Variants in PACRG observed in about 807,000 individuals in gnomAD.
PACRG encodes the protein parkin coregulated.
PACRG carries 29 observed loss-of-function variants against 29.7 expected under a neutral mutation model. The ratio of observed to expected loss-of-function variants is 0.98; its 90% confidence interval spans 0.73 to 1.33. The LOEUF is 1.33. PACRG is among the 40% of genes most tolerant of loss of function. The pLI, the probability that PACRG is intolerant of heterozygous loss-of-function variation, is 0.00. For missense variants in PACRG, 279 were observed against 316.2 expected, an observed-to-expected ratio of 0.88 and a Z score of 0.89; for synonymous variants, 116 against 118.7, an observed-to-expected ratio of 0.98 and a Z score of 0.15.
intron 4 of PACRG, among the ~76,000 whole-genome samples, chr6:163,111,426 G>A (rs1815707090): frequency 6.6e-6 from 1 of 152,202 alleles, no homozygotes; most frequent in Admixed American, 6.5e-5. Context: ...TGCATAATGA[G>A]GCATTTATAC....
chr6:162,772,322 G>A (rs1318292918), intron 1 of PACRG, among the ~76,000 whole-genome samples: 1 of 152,188 alleles, frequency 6.6e-6, no homozygotes, highest in African/African-American at 2.4e-5. Context: ...TTCCAGGGGT[G>A]TAACTGAGGC....
chr6:163,121,955 C>A (rs1816295724), intron 4 of PACRG, among the ~76,000 whole-genome samples: 1 of 152,106 alleles, frequency 6.6e-6, no homozygotes, highest in Admixed American at 6.5e-5. Context: ...AGCCACCACG[C>A]CTGGCCGGTG....
intron 2 of PACRG, among the ~76,000 whole-genome samples, chr6:162,961,536 G>A (rs910178002): frequency 5.9e-5 from 9 of 152,096 alleles, no homozygotes; most frequent in East Asian, 1.9e-4. Flanking sequence ...GATTACAAAC[G>A]CAACTAATCT....
chr6:163,229,693 A>C (rs995342116), intron 4 of PACRG, among the ~76,000 whole-genome samples: 6 of 152,222 alleles, frequency 3.9e-5, no homozygotes, highest in Non-Finnish European at 8.8e-5. Context: ...ACCCTTGAAT[A>C]GTTCTAGGAG....
Position 163,025,791 on chromosome 6 carries a change from A to C in PACRG, c.292-36359A>C, listed in dbSNP as rs1807073284. ...TTCTTTCCACGCAGCCTCAGAGCTG[A>C]GCTGGAAGCCAGGGGGCAGGCCCAG... On this transcript the variant is annotated intron_variant, in intron 2 of 4. Coordinates refer to ENST00000366888, the MANE Select transcript of PACRG (RefSeq NM_001080379.2). Among the ~76,000 whole-genome samples the C allele has an allele frequency of 2.0e-5, 3 of 152,246 alleles. No individual in the cohort carries two copies. The South Asian group carries it at 6.2e-4, about 31-fold the overall frequency.
chr6:162,937,923 T>C (rs1282962277), intron 2 of PACRG, among the ~76,000 whole-genome samples: 5 of 152,250 alleles, frequency 3.3e-5, no homozygotes, highest in South Asian at 4.2e-4. Flanking sequence ...TCATAGGTTA[T>C]TGGGGCAAAG....
At chr6:162,803,403 A>G (rs966079694) in intron 1 of PACRG, among the ~76,000 whole-genome samples, 6 of 152,176 alleles carry the variant, frequency 3.9e-5, no homozygotes, top group African/African-American at 1.4e-4. Flanking sequence ...TAGTGTGTCA[A>G]TGGGAAATCA....
At chr6:162,758,019 C>T (rs1286363366) in intron 1 of PACRG, among the ~76,000 whole-genome samples, 4 of 152,052 alleles carry the variant, frequency 2.6e-5, no homozygotes, top group Non-Finnish European at 5.9e-5. Context: ...AATGGCAATG[C>T]TGTAGGAAAT....
chr6:162,800,727 T>C (rs1785782977), intron 1 of PACRG, among the ~76,000 whole-genome samples: 1 of 152,222 alleles, frequency 6.6e-6, no homozygotes, highest in South Asian at 2.1e-4. Context: ...CAGTTCCTCT[T>C]AGCTCCAAAA....
At chr6:163,281,294 AG>A (rs1272130194) in intron 4 of PACRG, among the ~76,000 whole-genome samples, 2 of 152,192 alleles carry the variant, frequency 1.3e-5, no homozygotes, top group Non-Finnish European at 2.9e-5. Context: ...CTCAGGAGTG[AG>A]GAAGAGCAGA....
At chr6:163,271,364 C>A (rs193240749) in intron 4 of PACRG, among the ~76,000 whole-genome samples, 275 of 152,344 alleles carry the variant, frequency 1.8e-3, no homozygotes, top group African/African-American at 6.4e-3. Flanking sequence ...ATCCTTCAAT[C>A]CAATCAAGTT....
chr6:163,245,730 C>T (rs1179582293), intron 4 of PACRG, among the ~76,000 whole-genome samples: 1 of 152,160 alleles, frequency 6.6e-6, no homozygotes, highest in East Asian at 1.9e-4. Context: ...TCCTAATCAG[C>T]CGCTGTGCTT....
intron 2 of PACRG, among the ~76,000 whole-genome samples, chr6:162,990,747 A>G (rs952003344): frequency 7.3e-6 from 1 of 137,748 alleles, no homozygotes; most frequent in Admixed American, 6.9e-5. Flanking sequence ...GTTTAATTAG[A>G]TCCCATTTGT....
rs766103075 is a variant in PACRG at position 163,055,402 on chromosome 6, G to A, written c.292-6748G>A. 2.0e-4 allele frequency among the ~76,000 whole-genome samples: 30 copies of A among 151,634 alleles called. No individual in the cohort carries two copies. Among genetic ancestry groups the A allele is most frequent in the Non-Finnish European group, 3.5e-4 (24 of 67,880 alleles). On this transcript the variant is annotated intron_variant, in intron 2 of 4. Coordinates refer to ENST00000366888, the MANE Select transcript of PACRG (RefSeq NM_001080379.2). The surrounding 1 kb of genome is among the most constrained non-coding windows in gnomAD (Gnocchi z 4.0). ...CACATGCACTCACATATATACACAC[G>A]TGCACACACACGCAAACAAGCGCCT...
In PACRG at chr6:163,055,192, G is replaced by A. The variant is rs975631465; in HGVS notation, c.292-6958G>A. On this transcript the variant is annotated intron_variant, in intron 2 of 4. Transcript: ENST00000366888. This position sits in a 1 kb window ranked among gnomAD's most constrained non-coding sequence, Gnocchi z 4.0. ...CTATGAAGAATAATGTGGAAATGGA[G>A]CGGGGACCGGGGACAGTGTGGAAAT... Among the ~76,000 whole-genome samples the A allele has an allele frequency of 5.3e-5, 8 of 152,178 alleles. No individual in the cohort carries two copies. In the East Asian group the frequency reaches 1.5e-3, roughly 29 times the overall value.
chr6:163,280,478 A>G (rs957099089), intron 4 of PACRG, among the ~76,000 whole-genome samples: 3 of 152,262 alleles, frequency 2.0e-5, no homozygotes, highest in Non-Finnish European at 4.4e-5. Flanking sequence ...TTCAATGAAC[A>G]CTCATTTCAA....
intron 2 of PACRG, among the ~76,000 whole-genome samples, chr6:162,947,617 T>TATATATAATA (rs1554313367): frequency 1.3e-4 from 5 of 38,338 alleles, no homozygotes; most frequent in East Asian, 5.6e-4. Flanking sequence ...TAATCATATA[T>TATATATAATA]ATATATATAT....
chr6:162,987,331 G>A (rs1802990279), intron 2 of PACRG, among the ~76,000 whole-genome samples: 1 of 152,114 alleles, frequency 6.6e-6, no homozygotes, highest in Admixed American at 6.5e-5. Flanking sequence ...CTCCAGGCTG[G>A]TGCTGGGAAA....
intron 4 of PACRG, among the ~76,000 whole-genome samples, chr6:163,314,009 G>A (rs2128195024): frequency 6.6e-6 from 1 of 152,332 alleles, no homozygotes; most frequent in East Asian, 1.9e-4. Context: ...TCTTTCCTTA[G>A]TGATTTGAGA....
Sources: allele counts gnomAD v4.1 joint callset (sites outside exome capture counted in the v4.1 genomes callset), GRCh38; gene constraint gnomAD v4.1.1; non-coding constraint Gnocchi (gnomAD v3.1); transcripts MANE v1.5; gene names NCBI Gene and HGNC (gene_info 2026-07-23, HGNC 2026-07-21).